Variants in NRDC observed in about 807,000 individuals in gnomAD.
NRDC encodes nardilysin convertase.
Under a neutral mutation model 147.1 loss-of-function variants are expected in NRDC, and 54 were observed. That is an observed-to-expected ratio of 0.37 (90% confidence interval 0.29 to 0.46). The LOEUF is 0.46. NRDC is among the 20% of genes least tolerant of loss of function. NRDC has a pLI of 1.00. For synonymous variants in NRDC, 440 were observed against 482.1 expected, an observed-to-expected ratio of 0.91 and a Z score of 1.14; for missense variants, 1,082 against 1,370.6, an observed-to-expected ratio of 0.79 and a Z score of 3.33.
chr1:51,798,156 C>CA (rs1421743149), intron 22 of NRDC, 93 bp downstream of exon 22: 7 of 1,337,414 alleles, frequency 5.2e-6, no homozygotes, highest in Non-Finnish European at 7.3e-6. Flanking sequence ...GCTGGCCTGC[C>CA]AAAACTACAG....
chr1:51,833,910 T>A (rs904178032), intron 4 of NRDC, 107 bp downstream of exon 4: 7 of 988,204 alleles, frequency 7.1e-6, no homozygotes, highest in African/African-American at 1.6e-5. Flanking sequence ...TCACCATGAC[T>A]GGTCCAAGTA....
rs79682328 is a variant in NRDC, at chr1:51,858,471, T to TAAA, written c.342-17960_342-17958dup. 1.7e-3 allele frequency among the ~76,000 whole-genome samples: 210 copies of TAAA among 122,018 alleles called. 1 individual carries two copies. Among genetic ancestry groups the TAAA allele is most frequent in the African/African-American group, 6.0e-3 (196 of 32,758 alleles). The allele number at this position is 122,018 out of a possible 152,430, so 80.0% of individuals were successfully genotyped here. A position where few individuals can be genotyped will look rare whatever the true frequency, so the allele number is the denominator to read the frequency against. ...ATTACACAGAGGGAAACCCTGTCTT[T>TAAA]AAAAAAAAAAAAAAAAAAGGCAAAT... On this transcript the variant is annotated intron_variant, in intron 1 of 30. Transcript: ENST00000352171.
chr1:51,859,793 T>C (rs1166115903), intron 1 of NRDC: 5 of 152,762 alleles, frequency 3.3e-5, no homozygotes, highest in African/African-American at 1.2e-4. Context: ...TTAGAAATGA[T>C]GTAGTTAGAT....
At chr1:51,867,533 C>A (rs1195776778) in intron 1 of NRDC, among the ~76,000 whole-genome samples, 2 of 151,934 alleles carry the variant, frequency 1.3e-5, no homozygotes. Context: ...AAAATTGAGC[C>A]CTAGATAATC....
Position 51,789,655 on chromosome 1 carries a change from A to T in NRDC, c.3171T>A (p.Ile1057=), listed in dbSNP as rs1417768562. 1 of 1,609,162 alleles carries T rather than the reference A, an allele frequency of 6.2e-7. No homozygotes were observed. Among genetic ancestry groups the T allele is most frequent in the Non-Finnish European group, 8.5e-7 (1 of 1,175,526 alleles). The stretch of plus-strand genomic sequence containing the variant: ...ATTTTGAGAATGACTTCAGTGCTTC[A>T]ATCTTACAAGGGAAGGGAAGATAGG... ...QYLFDRLAHE[I]EALKSFSKSD... is the part of the protein sequence containing the mutation. Residue 1057 remains isoleucine (I), a splice_region_variant and synonymous_variant, in exon 30 of 31, where the codon ATT becomes ATA. Coordinates refer to ENST00000352171, the MANE Select transcript of NRDC (RefSeq NM_001101662.2).
chr1:51,843,916 G>T (rs1681402523), intron 1 of NRDC, among the ~76,000 whole-genome samples: 1 of 150,468 alleles, frequency 6.6e-6, no homozygotes, highest in African/African-American at 2.4e-5. Context: ...TCTTTGTAAG[G>T]TGCATTTTTT....
chr1:51,792,458 T>C, intron 24 of NRDC, 34 bp from the exon 25 acceptor site: 1 of 1,608,322 alleles, frequency 6.2e-7, no homozygotes, highest in Non-Finnish European at 8.5e-7. Context: ...CAACTGAATA[T>C]CCAGTGGTTT....
intron 1 of NRDC, among the ~76,000 whole-genome samples, chr1:51,875,954 T>C (rs1172103140): frequency 1.3e-5 from 2 of 152,204 alleles, no homozygotes; most frequent in African/African-American, 4.8e-5. Flanking sequence ...CAGACTAACA[T>C]GTTATTTATT....
At chr1:51,798,445 T>A (rs767881027) in intron 21 of NRDC, 34 bp from the exon 22 acceptor site, 1 of 1,541,136 alleles carries the variant, frequency 6.5e-7, no homozygotes. Context: ...CACTCAAAGT[T>A]TTGTTATTAG....
chr1:51,812,976 A>AG (rs1295259707), intron 14 of NRDC, among the ~76,000 whole-genome samples: 1 of 151,370 alleles, frequency 6.6e-6, no homozygotes, highest in Non-Finnish European at 1.5e-5. Context: ...AAAAAAAAAA[A>AG]AAAAAAAAAT....
chr1:51,870,094 T>A (rs1409692024), intron 1 of NRDC, among the ~76,000 whole-genome samples: 4 of 152,210 alleles, frequency 2.6e-5, no homozygotes, highest in Non-Finnish European at 5.9e-5. Context: ...AATATCCCCA[T>A]GAGTTCTGTG....
At chr1:51,791,023 C>CAA (rs778318068) in intron 27 of NRDC, 33 bp from the exon 28 acceptor site, 1 of 1,466,318 alleles carries the variant, frequency 6.8e-7, no homozygotes, top group East Asian at 2.3e-5. Context: ...AGAACTAAAA[C>CAA]AAAACATCTT....
intron 1 of NRDC, among the ~76,000 whole-genome samples, chr1:51,846,191 A>T (rs572293554): frequency 6.6e-6 from 1 of 151,826 alleles, no homozygotes; most frequent in African/African-American, 2.4e-5. Flanking sequence ...GGCTCACTGC[A>T]ACCTCCACTT....
intron 1 of NRDC, among the ~76,000 whole-genome samples, chr1:51,842,643 G>A (rs1373896430): frequency 6.6e-6 from 1 of 152,004 alleles, no homozygotes; most frequent in Non-Finnish European, 1.5e-5. Context: ...AGTGAAAAAA[G>A]CAAATCACAA....
At chr1:51,830,031 C>T (rs856607) in intron 4 of NRDC, among the ~76,000 whole-genome samples, 3,255 of 139,818 alleles carry the variant, frequency 0.023, 109 homozygotes, top group African/African-American at 0.084. Context: ...GTGGCACTAT[C>T]TCGGCTCACT....
At chr1:51,817,968 T>G in intron 10 of NRDC, 98 bp downstream of exon 10, 1 of 841,232 alleles carries the variant, frequency 1.2e-6, no homozygotes, top group South Asian at 1.6e-5. Context: ...TATTGCTATG[T>G]TTATAAATTC....
chr1:51,818,258 GTTA>G, intron 9 of NRDC, 123 bp from the exon 10 acceptor site: 1 of 603,200 alleles, frequency 1.7e-6, no homozygotes, highest in Non-Finnish European at 2.7e-6. Context: ...GTACAATGCA[GTTA>G]TTGTTTCAAC....
chr1:51,807,215 AT>A (rs1679508474), intron 17 of NRDC, among the ~76,000 whole-genome samples: 1 of 152,256 alleles, frequency 6.6e-6, no homozygotes, highest in Non-Finnish European at 1.5e-5. Context: ...GGATAGTTTC[AT>A]AAACCAATTT....
intron 1 of NRDC, among the ~76,000 whole-genome samples, chr1:51,856,613 C>G (rs1405232438): frequency 6.6e-6 from 1 of 152,128 alleles, no homozygotes; most frequent in Non-Finnish European, 1.5e-5. Context: ...CTTCTATGCC[C>G]TTCCTGTGCA....
Sources: allele counts gnomAD v4.1 joint callset (sites outside exome capture counted in the v4.1 genomes callset), GRCh38; gene constraint gnomAD v4.1.1; transcripts MANE v1.5; gene names NCBI Gene and HGNC (gene_info 2026-07-23, HGNC 2026-07-21).